Variants in PITPNM2 observed in about 807,000 individuals in gnomAD.
The protein encoded by PITPNM2 is phosphatidylinositol transfer protein membrane associated 2, also known as membrane-associated phosphatidylinositol transfer protein 2.
In PITPNM2, 35 loss-of-function variants were observed where a neutral mutation model predicts 132.2. The ratio of observed to expected loss-of-function variants is 0.26; its 90% CI spans 0.20 to 0.35. The LOEUF (loss-of-function observed/expected upper bound fraction) is 0.35, where lower values mean the gene tolerates loss of function less well. Among genes scored for constraint, PITPNM2 ranks in the 10% least tolerant of loss-of-function variants. The pLI is 1.00. For synonymous variants in PITPNM2, 738 were observed against 799.2 expected (o/e 0.92, Z 1.29); for missense variants, 1,332 against 1,912.0 (o/e 0.70, Z 5.66).
intron 1 of PITPNM2, among the ~76,000 whole-genome samples, chr12:123,130,284 C>T (rs760465962): frequency 6.6e-6 from 1 of 151,954 alleles, no homozygotes; most frequent in East Asian, 1.9e-4. Context: ...TTGTGTGGGA[C>T]GGAAGGGCAC....
intron 2 of PITPNM2, chr12:123,075,567 C>G (rs1040149207): frequency 1.3e-5 from 2 of 152,232 alleles, no homozygotes; most frequent in African/African-American, 2.4e-5. Flanking sequence ...AAGAAAGAAC[C>G]ACTCACCGCC....
chr12:123,021,530 C>T (rs2039671391), intron 3 of PITPNM2, among the ~76,000 whole-genome samples: 1 of 152,142 alleles, frequency 6.6e-6, no homozygotes. Context: ...GTGCCTTGGT[C>T]TCTCAAAATG....
chr12:123,087,651 C>CTCTG (rs2042151803), intron 2 of PITPNM2: 1 of 152,056 alleles, frequency 6.6e-6, no homozygotes, highest in South Asian at 2.1e-4. Context: ...CAGGGTCTCG[C>CTCTG]TCTGTCACCC....
At chr12:122,986,860 CCTTCCT>C (rs2037957718) in intron 23 of PITPNM2, 31 bp from the exon 24 acceptor site, 2 of 1,567,446 alleles carry the variant, frequency 1.3e-6, no homozygotes, top group Non-Finnish European at 1.7e-6. Context: ...CATGGTCACC[CCTTCCT>C]CCCTCCTGGG....
intron 2 of PITPNM2, among the ~76,000 whole-genome samples, chr12:123,092,985 T>C (rs1292346401): frequency 2.6e-5 from 4 of 152,218 alleles, no homozygotes; most frequent in Admixed American, 2.0e-4. Context: ...TTGTGATCCA[T>C]GGATGTGTGG....
rs925650329 is a variant in PITPNM2 at position 123,077,318 on chromosome 12, A to C, written c.-96+33067T>G. Reference sequence around the variant, plus strand: ...CTTGTTATCAGGGGTGGAGAGGGACAAAACATTTCCTCACTGAACTCTCAT... The same window carrying C: ...CTTGTTATCAGGGGTGGAGAGGGACCAAACATTTCCTCACTGAACTCTCAT... On this transcript the variant is annotated intron_variant, in intron 2 of 25. Transcript: ENST00000320201. The surrounding 1 kb of genome is among the most constrained non-coding windows in gnomAD (Gnocchi z 4.8). Among the ~76,000 whole-genome samples the C allele has an allele frequency of 2.0e-5, 3 of 152,170 alleles. No homozygotes were observed. Among genetic ancestry groups the C allele is most frequent in the Non-Finnish European group, 2.9e-5 (2 of 68,034 alleles).
intron 3 of PITPNM2, among the ~76,000 whole-genome samples, chr12:123,016,678 T>G (rs1015593451): frequency 6.6e-6 from 1 of 152,102 alleles, no homozygotes; most frequent in African/African-American, 2.4e-5. Flanking sequence ...AAAGAATCAA[T>G]GCTGGTTGGC....
At position 122,995,653 on chromosome 12, in the gene PITPNM2, T is replaced by C; in HGVS notation, c.1790A>G (p.Asp597Gly). ...RGSVVSMQDN[D>G]LLSPGILMNA... ...CATCAGGATGCCCGGGGACAGCAGG[T>C]CATTGTCCTGGAACGGCCCCGTGGA... is the stretch of plus-strand genomic sequence containing the variant. The change falls in exon 14 of 26, where the codon GAC becomes GGC. Residue 597 changes from aspartate (D) to glycine (G), a missense_variant. Asp to Gly is a moderately conservative substitution (Grantham distance 94). Coordinates refer to ENST00000320201, the MANE Select transcript of PITPNM2 (RefSeq NM_020845.3). 6.3e-7 allele frequency: 1 copy of C among 1,595,956 alleles called. No individual in the cohort carries two copies. Among genetic ancestry groups the C allele is most frequent in the Non-Finnish European group, 8.5e-7 (1 of 1,175,662 alleles).
At chr12:123,006,143 A>T (rs1374805603) in intron 6 of PITPNM2, 1 of 151,606 alleles carries the variant, frequency 6.6e-6, no homozygotes, top group African/African-American at 2.4e-5. Context: ...GCCACAGTTA[A>T]TTTTCTGGGA....
chr12:123,036,402 G>A lies in PITPNM2; in HGVS notation c.-95-1717C>T, dbSNP rs1438344133. Among the ~76,000 whole-genome samples, 3 of 152,128 alleles carry A rather than the reference G, an allele frequency of 2.0e-5. No homozygotes were observed. The highest frequency in any genetic ancestry group is 2.9e-5 in the Non-Finnish European group (2 of 68,026). On this transcript the variant is annotated intron_variant, in intron 2 of 25. Transcript: ENST00000320201. This position sits in a 1 kb window ranked among gnomAD's most constrained non-coding sequence, Gnocchi z 4.1. The stretch of plus-strand genomic sequence containing the variant: ...TCACAGCAGGTAGGAACGTCAGCCC[G>A]AAGCCCATTCAAATTCTCACATCCA...
Position 123,005,613 on chromosome 12 carries a change from G to A in PITPNM2, c.644-65C>T, listed in dbSNP as rs556959422. 56 of 1,497,880 alleles carry A rather than the reference G, an allele frequency of 3.7e-5. No homozygotes were observed. The highest frequency in any genetic ancestry group is 1.8e-4 in the East Asian group (8 of 43,898). The allele number at this position is 1,497,880 out of a possible 1,614,324, so 92.8% of individuals were successfully genotyped here. On this transcript the variant is annotated intron_variant, in intron 6 of 25. Coordinates refer to ENST00000320201, the MANE Select transcript of PITPNM2 (RefSeq NM_020845.3). The surrounding 1 kb of genome is among the most constrained non-coding windows in gnomAD (Gnocchi z 6.2). ...GGGAGGTCAGCGCAGGAGCCTGCAC[G>A]GAAGTGTGGGGCCCAGGCAGGGGCT...
chr12:123,025,890 C>G (rs2039847192), intron 3 of PITPNM2, among the ~76,000 whole-genome samples: 1 of 152,172 alleles, frequency 6.6e-6, no homozygotes, highest in South Asian at 2.1e-4. Context: ...GGTGTATTAG[C>G]ACTATTACCC....
At chr12:123,061,426 T>G (rs1001216114) in intron 2 of PITPNM2, among the ~76,000 whole-genome samples, 3 of 152,250 alleles carry the variant, frequency 2.0e-5, no homozygotes, top group African/African-American at 4.8e-5. Flanking sequence ...CTGACGTGCC[T>G]ACAATCCAAG....
chr12:123,053,311 T>G (rs917036895), intron 2 of PITPNM2, among the ~76,000 whole-genome samples: 2 of 152,244 alleles, frequency 1.3e-5, no homozygotes, highest in Non-Finnish European at 2.9e-5. Flanking sequence ...AGTACTGATT[T>G]GGCTTCATCC....
Position 123,095,793 on chromosome 12 carries a change from G to A in PITPNM2, c.-96+14592C>T, listed in dbSNP as rs534221413. On this transcript the variant is annotated intron_variant, in intron 2 of 25. Coordinates refer to ENST00000320201, the MANE Select transcript of PITPNM2 (RefSeq NM_020845.3). This position sits in a 1 kb window ranked among gnomAD's most constrained non-coding sequence, Gnocchi z 5.0. ...CAGGAAGACTCTCCCTTGTTTACAC[G>A]CAACCCTGCCTCCTGTGTCGTGTGA... 9.2e-5 allele frequency among the ~76,000 whole-genome samples: 14 copies of A among 152,266 alleles called. No individual in the cohort carries two copies. The highest frequency in any genetic ancestry group is 2.6e-4 in the Admixed American group (4 of 15,302).
intron 2 of PITPNM2, among the ~76,000 whole-genome samples, chr12:123,072,868 G>C (rs983013306): frequency 2.0e-5 from 3 of 152,334 alleles, no homozygotes; most frequent in Middle Eastern, 6.8e-3. Context: ...GGAAGAAGAG[G>C]CTGTGGCCAC....
rs1054665986 is a variant in PITPNM2 at position 123,108,099 on chromosome 12, C to T, written c.-96+2286G>A. Among the ~76,000 whole-genome samples the T allele has an allele frequency of 3.3e-5, 5 of 152,178 alleles. No homozygotes were observed. The South Asian group carries it at 6.2e-4, about 19-fold the overall frequency. ...GGATGCTGGAACTGCATAAGCAAAG[C>T]GCAGAGAATGTACCAGCATATAAAC... is the stretch of plus-strand genomic sequence containing the variant. On this transcript the variant is annotated intron_variant, in intron 2 of 25. Transcript: ENST00000320201. This position sits in a 1 kb window ranked among gnomAD's most constrained non-coding sequence, Gnocchi z 4.4.
chr12:123,021,716 A>G, intron 3 of PITPNM2: 1 of 984,954 alleles, frequency 1.0e-6, no homozygotes, highest in South Asian at 4.7e-5. Context: ...GCTCCCTCTC[A>G]GGGAGGTGGC....
At chr12:122,998,479 C>CAGGCT (rs2136139829) in intron 10 of PITPNM2, among the ~76,000 whole-genome samples, 1 of 152,358 alleles carries the variant, frequency 6.6e-6, no homozygotes, top group African/African-American at 2.4e-5. Flanking sequence ...CCTGCCAGGC[C>CAGGCT]AGGCTGTGGC....
Sources: allele counts gnomAD v4.1 joint callset (sites outside exome capture counted in the v4.1 genomes callset), GRCh38; gene constraint gnomAD v4.1.1; non-coding constraint Gnocchi (gnomAD v3.1); transcripts MANE v1.5; gene names NCBI Gene and HGNC (gene_info 2026-07-23, HGNC 2026-07-21).